Variants in PTPN1 observed in about 807,000 individuals in gnomAD.
PTPN1 encodes tyrosine-protein phosphatase non-receptor type 1.
In PTPN1, 12 loss-of-function variants were observed where a neutral mutation model predicts 59.9. The observed-to-expected ratio is 0.20, with a 90% CI of 0.13 to 0.32. The LOEUF is 0.32. PTPN1 is among the 10% of genes least tolerant of loss of function. The pLI is 1.00. For missense variants in PTPN1, 356 were observed against 549.2 expected (o/e 0.65, Z 3.52); for synonymous variants, 178 against 203.6 (o/e 0.87, Z 1.07).
intron 1 of PTPN1, among the ~76,000 whole-genome samples, chr20:50,544,215 A>G (rs570633645): frequency 1.9e-3 from 285 of 152,186 alleles, no homozygotes; most frequent in African/African-American, 6.3e-3. Flanking sequence ...CAGTGGCCCA[A>G]TCATGGCTAA....
intron 1 of PTPN1, among the ~76,000 whole-genome samples, chr20:50,550,861 C>T (rs557858323): frequency 1.3e-5 from 2 of 152,164 alleles, no homozygotes; most frequent in African/African-American, 4.8e-5. Context: ...CCATGGAGCC[C>T]GTAAGAGACA....
At position 50,542,131 on chromosome 20, in the gene PTPN1, TG is replaced by T. The variant is rs140534626; in HGVS notation, c.64-19231del. Among the ~76,000 whole-genome samples the T allele has an allele frequency of 1.9e-3, 283 of 152,334 alleles. 6 individuals carry two copies. The East Asian group carries it at 0.049, about 26-fold the overall frequency. On this transcript the variant is annotated intron_variant, in intron 1 of 9. Transcript: ENST00000371621. ...GGACAAAAATTGGCTGCAAGTACAATGTGGTCTTCACTCTGAAGGTGATCCT... is the reference window on the plus strand; with the variant it reads ...GGACAAAAATTGGCTGCAAGTACAATTGGTCTTCACTCTGAAGGTGATCCT...
intron 1 of PTPN1, among the ~76,000 whole-genome samples, chr20:50,542,645 T>G (rs1187873501): frequency 1.3e-5 from 2 of 152,234 alleles, no homozygotes; most frequent in East Asian, 3.8e-4. Flanking sequence ...GATCTGTTTC[T>G]AGCAATAGGT....
intron 8 of PTPN1, 131 bp downstream of exon 8, chr20:50,580,057 C>A: frequency 2.4e-6 from 2 of 843,842 alleles, no homozygotes; most frequent in Non-Finnish European, 3.7e-6. Flanking sequence ...CCTTGGGGAA[C>A]AGGGCGCGTG....
chr20:50,568,509 G>T lies in PTPN1; in HGVS notation c.354+31G>T. ...TCTCGGCTTCATTTGCTGTGTATGT[G>T]ATCATGCATACCACTCCATATAGTT... On this transcript the variant is annotated intron_variant, in intron 4 of 9. Transcript: ENST00000371621. The surrounding 1 kb of genome is among the most constrained non-coding windows in gnomAD (Gnocchi z 5.6). 6.6e-7 allele frequency: 1 copy of T among 1,513,350 alleles called. No homozygotes were observed. The highest frequency in any genetic ancestry group is 1.1e-5 in the South Asian group (1 of 88,906). The allele number at this position is 1,513,350 out of a possible 1,614,324, so 93.7% of individuals were successfully genotyped here.
chr20:50,560,201 G>T (rs1387154600), intron 1 of PTPN1, among the ~76,000 whole-genome samples: 1 of 152,016 alleles, frequency 6.6e-6, no homozygotes, highest in African/African-American at 2.4e-5. Flanking sequence ...GCTTGTGTAT[G>T]GCCGCTTACC....
At chr20:50,520,213 A>C (rs1388853183) in intron 1 of PTPN1, among the ~76,000 whole-genome samples, 1 of 152,002 alleles carries the variant, frequency 6.6e-6, no homozygotes, top group African/African-American at 2.4e-5. Flanking sequence ...CTCTACTAAA[A>C]ATACAAAATT....
chr20:50,573,777 G>A (rs1434609943), intron 4 of PTPN1: 2 of 152,130 alleles, frequency 1.3e-5, no homozygotes, highest in African/African-American at 4.8e-5. Context: ...CAGAAACTTA[G>A]TTCAAGTAAA....
chr20:50,576,577 A>G (rs973980874), intron 5 of PTPN1, among the ~76,000 whole-genome samples: 29 of 152,142 alleles, frequency 1.9e-4, no homozygotes, highest in Non-Finnish European at 4.4e-5. Flanking sequence ...ATTTTAAAAT[A>G]CATTTTAACG....
At chr20:50,581,633 C>T (rs948994276) in intron 9 of PTPN1, among the ~76,000 whole-genome samples, 173 bp downstream of exon 9, 1 of 152,148 alleles carries the variant, frequency 6.6e-6, no homozygotes, top group African/African-American at 2.4e-5. Flanking sequence ...AATTAAGGAT[C>T]GATGCACTGG....
At position 50,582,144 on chromosome 20, in the gene PTPN1, A is replaced by G. The variant is rs890404843; in HGVS notation, c.1285-548A>G. ...CTCAGGGTGTCCCCGCTGGGTTTCC[A>G]TTGTCCTTTCTCCATTGCTCCCTCC... is the stretch of plus-strand genomic sequence containing the variant. On this transcript the variant is annotated intron_variant, in intron 9 of 9. Coordinates refer to ENST00000371621, the MANE Select transcript of PTPN1 (RefSeq NM_002827.4). The surrounding 1 kb of genome is among the most constrained non-coding windows in gnomAD (Gnocchi z 4.2). Among the ~76,000 whole-genome samples, 1 of 152,220 alleles carries G rather than the reference A, an allele frequency of 6.6e-6. No homozygotes were observed. The highest frequency in any genetic ancestry group is 6.5e-5 in the Admixed American group (1 of 15,286).
chr20:50,570,597 C>T (rs1282467864), intron 4 of PTPN1, among the ~76,000 whole-genome samples: 1 of 152,194 alleles, frequency 6.6e-6, no homozygotes, highest in Middle Eastern at 3.2e-3. Context: ...ATCAGGTGCT[C>T]ACAGCACACA....
At chr20:50,577,303 G>A (rs1304755411) in intron 5 of PTPN1, among the ~76,000 whole-genome samples, 3 of 152,214 alleles carry the variant, frequency 2.0e-5, no homozygotes, top group South Asian at 4.1e-4. Context: ...CATTCGTCAA[G>A]TGAAGGAAGG....
chr20:50,580,080 TC>T (rs2082858567), intron 8 of PTPN1, among the ~76,000 whole-genome samples, 154 bp downstream of exon 8: 1 of 152,150 alleles, frequency 6.6e-6, no homozygotes, highest in Admixed American at 6.5e-5. Context: ...CCACAGCCAC[TC>T]CACTCCTGGC....
intron 1 of PTPN1, among the ~76,000 whole-genome samples, chr20:50,520,633 G>A (rs1340859360): frequency 6.6e-6 from 1 of 152,174 alleles, no homozygotes; most frequent in Non-Finnish European, 1.5e-5. Context: ...AAGGGTAGGT[G>A]CCTGTATCTG....
rs1166087435 is a variant in PTPN1, at chr20:50,574,183, CAG to C, written c.355-331_355-330del. 6.2e-5 allele frequency: 15 copies of C among 241,712 alleles called. No homozygotes were observed. The East Asian group carries it at 1.4e-3, about 22-fold the overall frequency. The allele number at this position is 241,712 out of a possible 1,614,324, so 15.0% of individuals were successfully genotyped here. On this transcript the variant is annotated intron_variant, in intron 4 of 9. Transcript: ENST00000371621. ...CTGGGTAATGTTTGAAATGGCTACA[CAG>C]AGGAGTTTCAAAGCCTTTTGTTCAA...
intron 8 of PTPN1, among the ~76,000 whole-genome samples, 177 bp downstream of exon 8, chr20:50,580,103 C>T (rs910533232): frequency 3.3e-5 from 5 of 152,322 alleles, no homozygotes; most frequent in African/African-American, 4.8e-5. Flanking sequence ...GCTGGAGGTC[C>T]GGTATTGGGC....
intron 1 of PTPN1, among the ~76,000 whole-genome samples, chr20:50,560,542 CT>C (rs1488231085): frequency 6.6e-6 from 1 of 151,932 alleles, no homozygotes; most frequent in African/African-American, 2.4e-5. Flanking sequence ...ACTAATCAGC[CT>C]GATTTCCAGC....
At chr20:50,555,046 T>A (rs1217147077) in intron 1 of PTPN1, among the ~76,000 whole-genome samples, 2 of 152,188 alleles carry the variant, frequency 1.3e-5, no homozygotes, top group East Asian at 3.8e-4. Flanking sequence ...ATGACCCAAC[T>A]ACATGCTGTC....
Sources: allele counts gnomAD v4.1 joint callset (sites outside exome capture counted in the v4.1 genomes callset), GRCh38; gene constraint gnomAD v4.1.1; non-coding constraint Gnocchi (gnomAD v3.1); transcripts MANE v1.5; gene names NCBI Gene and HGNC (gene_info 2026-07-23, HGNC 2026-07-21).